The following PCDHGA1 variants were observed in gnomAD, a reference collection of about 807,000 sequenced individuals.
PCDHGA1 encodes protocadherin gamma subfamily A, 1.
Under a neutral mutation model 58.0 loss-of-function variants are expected in PCDHGA1, and 32 were observed. The ratio of observed to expected loss-of-function variants is 0.55; its 90% CI spans 0.42 to 0.74. PCDHGA1 has a LOEUF of 0.74. Ranked by LOEUF, PCDHGA1 falls within the 30% of genes least tolerant of loss-of-function variation. The pLI is 0.00. For synonymous variants in PCDHGA1, 498 were observed against 501.1 expected, an observed-to-expected ratio of 0.99 and a Z score of 0.08; for missense variants, 1,205 against 1,182.3, an observed-to-expected ratio of 1.02 and a Z score of -0.28.
chr5:141,400,591 C>T lies in PCDHGA1; in HGVS notation c.2421+67486C>T, dbSNP rs746471054. ...ATTTTCTGTATTTACATGAAACTATCGTACATTTTCAAGTCCAATGAGTTG... is the reference window on the plus strand; with the variant it reads ...ATTTTCTGTATTTACATGAAACTATTGTACATTTTCAAGTCCAATGAGTTG... On this transcript the variant is annotated intron_variant, in intron 1 of 3. Transcript: ENST00000517417. 2.5e-6 allele frequency: 4 copies of T among 1,602,858 alleles called. No homozygotes were observed. In the African/African-American group the frequency reaches 5.4e-5, roughly 21 times the overall value.
At chr5:141,389,862 C>T (rs2091950734) in intron 1 of PCDHGA1, 1 of 1,613,964 alleles carries the variant, frequency 6.2e-7, no homozygotes, top group African/African-American at 1.3e-5. Flanking sequence ...CACGTTGCAC[C>T]TGGTCTTCGC....
chr5:141,404,974 C>A, intron 1 of PCDHGA1: 1 of 1,614,022 alleles, frequency 6.2e-7, no homozygotes, highest in South Asian at 1.1e-5. Flanking sequence ...TCCTGGCTGA[C>A]CTGGGCAGTC....
chr5:141,389,871 G>C (rs199638280), intron 1 of PCDHGA1: 297 of 1,614,056 alleles, frequency 1.8e-4, no homozygotes, highest in Non-Finnish European at 2.3e-4. Context: ...CCTGGTCTTC[G>C]CCGACAGCTT....
chr5:141,397,571 A>G (rs1205930640), intron 1 of PCDHGA1, among the ~76,000 whole-genome samples: 1 of 152,224 alleles, frequency 6.6e-6, no homozygotes, highest in East Asian at 1.9e-4. Flanking sequence ...GAGAGCAAGA[A>G]CTGTATCATA....
At chr5:141,387,529 T>C (rs933925608) in intron 1 of PCDHGA1, among the ~76,000 whole-genome samples, 2 of 152,236 alleles carry the variant, frequency 1.3e-5, no homozygotes, top group East Asian at 1.9e-4. Flanking sequence ...TACAGACGTA[T>C]CCACGTAGTT....
chr5:141,366,874 A>G, intron 1 of PCDHGA1: 2 of 1,387,376 alleles, frequency 1.4e-6, no homozygotes, highest in East Asian at 4.7e-5. Context: ...TGTATTGGAG[A>G]TTAATTTTTT....
At position 141,331,775 on chromosome 5, in the gene PCDHGA1, C is replaced by G. The variant is rs1435932906; in HGVS notation, c.1091C>G (p.Thr364Ser). 2 of 1,614,156 alleles carry G rather than the reference C, an allele frequency of 1.2e-6. No individual in the cohort carries two copies. Among genetic ancestry groups the G allele is most frequent in the Non-Finnish European group, 1.7e-6 (2 of 1,180,028 alleles). Residue 364 changes from threonine to serine, a missense_variant, in exon 1 of 4, where the codon ACC (threonine) becomes AGC (serine). Transcript: ENST00000517417. ...TAVPENFPPG[T>S]IIALISVHDQ... The stretch of plus-strand genomic sequence containing the variant: ...GTTCCAGAAAACTTTCCTCCTGGGA[C>G]CATAATTGCTCTTATCAGTGTGCAT...
At chr5:141,425,717 C>G (rs1207360676) in intron 1 of PCDHGA1, among the ~76,000 whole-genome samples, 1 of 152,188 alleles carries the variant, frequency 6.6e-6, no homozygotes, top group African/African-American at 2.4e-5. Context: ...TTTTCCCATA[C>G]CACTTGATGG....
At chr5:141,340,241 G>A (rs543278330) in intron 1 of PCDHGA1, 20 of 1,614,118 alleles carry the variant, frequency 1.2e-5, no homozygotes, top group East Asian at 2.2e-5. Context: ...CACTCTAACC[G>A]CTAAAGATGG....
intron 1 of PCDHGA1, chr5:141,376,739 T>C (rs1773315413): frequency 8.0e-6 from 4 of 502,200 alleles, no homozygotes; most frequent in Non-Finnish European, 1.4e-5. Flanking sequence ...GACTGCGGAC[T>C]GCAGTGGCGC....
At chr5:141,400,420 T>C (rs1323719998) in intron 1 of PCDHGA1, 1 of 1,613,936 alleles carries the variant, frequency 6.2e-7, no homozygotes, top group Non-Finnish European at 8.5e-7. Context: ...TTTCCTAAAA[T>C]GTAGTGAGCA....
chr5:141,376,493 C>T (rs1772744309), intron 1 of PCDHGA1: 1 of 1,614,130 alleles, frequency 6.2e-7, no homozygotes, highest in Non-Finnish European at 8.5e-7. Flanking sequence ...GAAAGGAGAA[C>T]CCAGGCAACT....
intron 1 of PCDHGA1, chr5:141,405,325 G>A: frequency 5.6e-6 from 9 of 1,614,170 alleles, no homozygotes; most frequent in African/African-American, 1.3e-5. Context: ...ATGAGCCTTT[G>A]TGCGTCTCTG....
At chr5:141,340,101 G>A (rs1294082311) in intron 1 of PCDHGA1, 2 of 1,614,004 alleles carry the variant, frequency 1.2e-6, no homozygotes, top group Non-Finnish European at 1.7e-6. Context: ...AGAGACTCTG[G>A]GCAGAACGCA....
intron 1 of PCDHGA1, among the ~76,000 whole-genome samples, chr5:141,336,385 T>C (rs1002800188): frequency 6.6e-6 from 1 of 151,596 alleles, no homozygotes. Context: ...AACACAAAAA[T>C]AAAAATAAAA....
chr5:141,350,980 C>T, intron 1 of PCDHGA1: 19 of 1,614,060 alleles, frequency 1.2e-5, no homozygotes, highest in Non-Finnish European at 1.5e-5. Flanking sequence ...CCGTGTTTAG[C>T]CAGGAGGTAT....
At position 141,486,001 on chromosome 5, in the gene PCDHGA1, C is replaced by G. The variant is rs771993915; in HGVS notation, c.2422-8806C>G. 6.2e-7 allele frequency: 1 copy of G among 1,614,194 alleles called. No homozygotes were observed. Among genetic ancestry groups the G allele is most frequent in the Non-Finnish European group, 8.5e-7 (1 of 1,180,024 alleles). On this transcript the variant is annotated intron_variant, in intron 1 of 3. Transcript: ENST00000517417. The surrounding 1 kb of genome is among the most constrained non-coding windows in gnomAD (Gnocchi z 5.0). ...ACCCGGACCTGGGTCCCAGTGGTAACGTCACCTTTTATTTCAGTGGTCATA... is the reference window on the plus strand; with the variant it reads ...ACCCGGACCTGGGTCCCAGTGGTAAGGTCACCTTTTATTTCAGTGGTCATA...
chr5:141,409,205 A>G (rs766592481), intron 1 of PCDHGA1: 3 of 1,614,068 alleles, frequency 1.9e-6, no homozygotes, highest in Non-Finnish European at 1.7e-6. Context: ...TAAAGTAATC[A>G]TAGAAATCCT....
At chr5:141,394,195 T>A (rs930890690) in intron 1 of PCDHGA1, 1 of 1,613,768 alleles carries the variant, frequency 6.2e-7, no homozygotes, top group Non-Finnish European at 8.5e-7. Context: ...TCAGCGTATA[T>A]CCTAGAGAAC....
Sources: allele counts gnomAD v4.1 joint callset (sites outside exome capture counted in the v4.1 genomes callset), GRCh38; gene constraint gnomAD v4.1.1; non-coding constraint Gnocchi (gnomAD v3.1); transcripts MANE v1.5; gene names NCBI Gene and HGNC (gene_info 2026-07-23, HGNC 2026-07-21).